The following SMG1 variants were observed in gnomAD, a reference collection of about 807,000 sequenced individuals.
SMG1 encodes SMG1 nonsense mediated mRNA decay associated PI3K related kinase, also known as serine/threonine-protein kinase SMG1.
SMG1 carries 22 observed loss-of-function variants against 419.9 expected under a neutral mutation model. That is an observed-to-expected ratio of 0.05 (90% CI 0.04 to 0.07). The LOEUF is 0.07. Ranked by LOEUF, SMG1 falls within the 10% of genes least tolerant of loss-of-function variation. The pLI is 1.00. For synonymous variants in SMG1, 1,538 were observed against 1,553.5 expected, an observed-to-expected ratio of 0.99 and a Z score of 0.23; for missense variants, 3,185 against 4,342.0, an observed-to-expected ratio of 0.73 and a Z score of 7.49.
At chr16:18,923,205 A>G (rs1276411788) in intron 1 of SMG1, among the ~76,000 whole-genome samples, 1 of 152,228 alleles carries the variant, frequency 6.6e-6, no homozygotes, top group Non-Finnish European at 1.5e-5. Flanking sequence ...CTCTCTTGCC[A>G]TAAGACATTC....
At chr16:18,811,321 T>C (rs1401785238) in intron 62 of SMG1, among the ~76,000 whole-genome samples, 1 of 152,176 alleles carries the variant, frequency 6.6e-6, no homozygotes, top group African/African-American at 2.4e-5. Flanking sequence ...CTGGGATCCA[T>C]CACCAGGTCA....
At chr16:18,874,002 T>C (rs1434395308) in intron 13 of SMG1, among the ~76,000 whole-genome samples, 4 of 152,220 alleles carry the variant, frequency 2.6e-5, no homozygotes, top group Non-Finnish European at 5.9e-5. Flanking sequence ...CTGTAACTGG[T>C]AATAAGCGAA....
rs757828235 is a variant in SMG1, at chr16:18,811,997, A to G, written c.10752T>C (p.Ser3584=). 5 of 1,613,694 alleles carry G rather than the reference A, an allele frequency of 3.1e-6. No homozygotes were observed. In the Middle Eastern group the frequency reaches 4.9e-4, roughly 160 times the overall value. Residue 3584 remains serine, a synonymous_variant, in exon 61 of 63, where the codon AGT becomes AGC. Coordinates refer to ENST00000446231, the MANE Select transcript of SMG1 (RefSeq NM_015092.5). ...CTGCCTTTTTAGGACTACAAGCAAC[A>G]CTCTTGCCAGTTCCTGGAACGGTGC... ...PPSTVPGTGK[S]VACSPKKAVR...
chr16:18,901,040 C>G lies in SMG1; in HGVS notation c.93-4084G>C, dbSNP rs868361914. On this transcript the variant is annotated intron_variant, in intron 1 of 62. Coordinates refer to ENST00000446231, the MANE Select transcript of SMG1 (RefSeq NM_015092.5). ...GGCTCAGGGAATTTATTATACAAATCTCTTCTTGCAGAGAACTTTAAGTTC... is the reference window on the plus strand; with the variant it reads ...GGCTCAGGGAATTTATTATACAAATGTCTTCTTGCAGAGAACTTTAAGTTC... Among the ~76,000 whole-genome samples, 12 of 151,644 alleles carry G rather than the reference C, an allele frequency of 7.9e-5. No homozygotes were observed. In the South Asian group the frequency reaches 2.1e-3, roughly 26 times the overall value.
intron 1 of SMG1, among the ~76,000 whole-genome samples, chr16:18,910,356 A>C (rs1267635790): frequency 6.6e-6 from 1 of 150,598 alleles, no homozygotes; most frequent in Non-Finnish European, 1.5e-5. Context: ...TCAGCCTCCC[A>C]AATAGCTGGG....
At chr16:18,905,653 C>T (rs2037531707) in intron 1 of SMG1, among the ~76,000 whole-genome samples, 1 of 147,598 alleles carries the variant, frequency 6.8e-6, no homozygotes, top group Non-Finnish European at 1.5e-5. Flanking sequence ...GACTTTGTTG[C>T]CCAGGCTGGA....
intron 1 of SMG1, among the ~76,000 whole-genome samples, chr16:18,924,643 C>T (rs1443692899): frequency 1.3e-5 from 2 of 152,096 alleles, no homozygotes; most frequent in Non-Finnish European, 2.9e-5. Flanking sequence ...GACAAGTCAA[C>T]GCTGTTTATC....
At chr16:18,810,410 AG>A (rs920534974) in intron 62 of SMG1, among the ~76,000 whole-genome samples, 28 of 152,242 alleles carry the variant, frequency 1.8e-4, no homozygotes, top group African/African-American at 6.5e-4. Flanking sequence ...ACGGAAGAGA[AG>A]AGGGAAAGGC....
intron 9 of SMG1, among the ~76,000 whole-genome samples, chr16:18,882,884 A>G (rs1347203781): frequency 6.6e-6 from 1 of 152,236 alleles, no homozygotes; most frequent in East Asian, 1.9e-4. Context: ...ACCTAAAATT[A>G]AGCAGCAAAA....
intron 57 of SMG1, 82 bp from the exon 58 acceptor site, chr16:18,816,611 TTAG>T: frequency 8.6e-7 from 1 of 1,161,692 alleles, no homozygotes; most frequent in Non-Finnish European, 1.2e-6. Context: ...TCAAAAGATA[TTAG>T]TAACTCAAGC....
chr16:18,902,438 C>G (rs1319784242), intron 1 of SMG1, among the ~76,000 whole-genome samples: 2 of 152,140 alleles, frequency 1.3e-5, no homozygotes, highest in African/African-American at 4.8e-5. Context: ...CACAGTGGCT[C>G]AAGCCTGTAA....
At chr16:18,844,121 C>A (rs1464104801) in intron 39 of SMG1, among the ~76,000 whole-genome samples, 1 of 151,862 alleles carries the variant, frequency 6.6e-6, no homozygotes, top group Non-Finnish European at 1.5e-5. Context: ...AAACAAGAAA[C>A]TGGTCTTAGA....
At chr16:18,834,854 A>G in intron 49 of SMG1, 38 bp downstream of exon 49, 1 of 1,589,636 alleles carries the variant, frequency 6.3e-7, no homozygotes, top group Non-Finnish European at 8.6e-7. Context: ...TAAAAATAAG[A>G]CACAGGAAAT....
chr16:18,844,504 C>A (rs2034132639), intron 39 of SMG1, among the ~76,000 whole-genome samples: 1 of 110,220 alleles, frequency 9.1e-6, no homozygotes, highest in African/African-American at 4.2e-5. Flanking sequence ...CACACACACA[C>A]ACACACACAC....
In SMG1 at chr16:18,864,020, G is replaced by A; in HGVS notation, c.3475C>T (p.Pro1159Ser). 6.5e-7 allele frequency: 1 copy of A among 1,549,728 alleles called. No individual in the cohort carries two copies. Among genetic ancestry groups the A allele is most frequent in the Non-Finnish European group, 8.7e-7 (1 of 1,146,950 alleles). The change falls in exon 24 of 63, where the codon CCG (proline) becomes TCG (serine). Residue 1159 changes from proline (P) to serine (S), a missense_variant. By Grantham distance (74) the Pro-to-Ser change is moderately conservative. This residue lies in a region of SMG1 where 121 missense variants were observed against 125.4 expected (regional missense o/e 0.96). Coordinates refer to ENST00000446231, the MANE Select transcript of SMG1 (RefSeq NM_015092.5). ...CGCTCACCATTCAGAGAATGTTTCGGGCTGGCACTGTTACGCCCAGCATTG... is the reference window on the plus strand; with the variant it reads ...CGCTCACCATTCAGAGAATGTTTCGAGCTGGCACTGTTACGCCCAGCATTG... ...LANAGRNSAS[P>S]KHSLNGESRK... is the part of the protein sequence containing the mutation.
chr16:18,913,180 T>C (rs370916232), intron 1 of SMG1, among the ~76,000 whole-genome samples: 12 of 152,252 alleles, frequency 7.9e-5, no homozygotes, highest in South Asian at 4.1e-4. Flanking sequence ...CATTAATGCA[T>C]TGAATCTGAA....
At chr16:18,815,351 A>C in intron 59 of SMG1, 70 bp from the exon 60 acceptor site, 1 of 1,559,002 alleles carries the variant, frequency 6.4e-7, no homozygotes, top group Non-Finnish European at 8.8e-7. Flanking sequence ...AATATGAACA[A>C]AACTGAAAAA....
chr16:18,913,763 T>C (rs956788625), intron 1 of SMG1, among the ~76,000 whole-genome samples: 5 of 151,922 alleles, frequency 3.3e-5, no homozygotes, highest in Admixed American at 6.6e-5. Context: ...TTCTCTATGA[T>C]GATAAAAAGG....
In SMG1 at chr16:18,835,105, G is replaced by A. The variant is rs1255516582; in HGVS notation, c.8117C>T (p.Thr2706Ile). The A allele has an allele frequency of 6.2e-7, 1 of 1,613,966 alleles. No individual in the cohort carries two copies. The highest frequency in any genetic ancestry group is 1.1e-5 in the South Asian group (1 of 91,090). Residue 2706 changes from threonine to isoleucine, a missense_variant, in exon 49 of 63, where the codon ACT becomes ATT. By Grantham distance (89) the Thr-to-Ile change is moderately conservative. Coordinates refer to ENST00000446231, the MANE Select transcript of SMG1 (RefSeq NM_015092.5). ...TGCGTATCGCTGCAGGGTCATTTCA[G>A]TGGCAGTGATGAACTGACACACTGT... The part of the protein sequence containing the change: ...PPTVCQFITA[T>I]EMTLQRYAAD...
Sources: gnomAD v4.1 joint callset for allele counts (sites outside exome capture counted in the v4.1 genomes callset) on GRCh38, gnomAD v4.1.1 for gene constraint, gnomAD v4.1.1 regional missense constraint, MANE v1.5 for transcripts, NCBI Gene and HGNC (gene_info 2026-07-23, HGNC 2026-07-21) for gene names.